RBM5: variants seen among roughly 807,000 people sequenced by gnomAD.
RBM5 encodes RNA-binding protein 5.
A neutral mutation model predicts 124.6 loss-of-function variants in RBM5; 15 were observed. That is an observed-to-expected ratio of 0.12 (90% CI 0.08 to 0.19). The LOEUF is 0.19. Among genes scored for constraint, RBM5 ranks in the 10% least tolerant of loss-of-function variants. The pLI, the probability that RBM5 is intolerant of heterozygous loss-of-function variation, is 1.00. For synonymous variants in RBM5, 337 were observed against 361.2 expected (o/e 0.93, Z 0.76); for missense variants, 580 against 1,026.5 (o/e 0.57, Z 5.94).
intron 7 of RBM5, 136 bp from the exon 8 acceptor site, chr3:50,104,112 G>A (rs1303961589): frequency 4.4e-6 from 3 of 674,706 alleles, no homozygotes; most frequent in Non-Finnish European, 7.8e-6. Context: ...TTTAGGTTAT[G>A]TCCCCATGTC....
intron 9 of RBM5, 102 bp from the exon 10 acceptor site, chr3:50,105,447 A>G (rs915003247): frequency 3.2e-6 from 4 of 1,230,930 alleles, no homozygotes; most frequent in Admixed American, 4.2e-5. Flanking sequence ...TACACTAGGA[A>G]TGTCACAAAT....
intron 6 of RBM5, chr3:50,102,526 GAGAA>G (rs1210141668): frequency 1.2e-4 from 18 of 152,738 alleles, no homozygotes; most frequent in Admixed American, 1.2e-3. Context: ...AGTCCCTCTT[GAGAA>G]AGAATTGTAA....
Position 50,118,408 on chromosome 3 carries a change from A to T in RBM5, c.2400A>T (p.Lys800Asn). ...GTTTGTCGGGCGCCGATTCCTACAA[A>T]GATGCTGTCCGGAAAGCCATGTTTG... Reference protein sequence around the residue: ...AYGLSGADSYKDAVRKAMFAR... With the variant: ...AYGLSGADSYNDAVRKAMFAR... Residue 800 changes from lysine to asparagine, a missense_variant, in exon 25 of 25, where the codon AAA becomes AAT. Around this residue, in one of 6 missense-constraint regions of RBM5, gnomAD observed 234 missense variants for 435.1 expected, o/e 0.54. Transcript: ENST00000347869. The T allele has an allele frequency of 6.2e-7, 1 of 1,614,180 alleles. No homozygotes were observed. Among genetic ancestry groups the T allele is most frequent in the Non-Finnish European group, 8.5e-7 (1 of 1,180,016 alleles).
At position 50,100,144 on chromosome 3, in the gene RBM5, A is replaced by G. The variant is rs1427662420; in HGVS notation, c.409+93A>G. On this transcript the variant is annotated intron_variant, in intron 5 of 24. Coordinates refer to ENST00000347869, the MANE Select transcript of RBM5 (RefSeq NM_005778.4). This position sits in a 1 kb window ranked among gnomAD's most constrained non-coding sequence, Gnocchi z 5.1. ...ATCCTGATTCCCCCAGTCTTCAAGC[A>G]CATGAATTCAGAATGAAAGGTTTGC... 8.7e-7 allele frequency: 1 copy of G among 1,144,316 alleles called. No homozygotes were observed. Among genetic ancestry groups the G allele is most frequent in the Admixed American group, 2.2e-5 (1 of 45,554 alleles). 70.9% of individuals were successfully genotyped at this position (1,144,316 alleles called of 1,614,324 possible).
In RBM5 at chr3:50,117,963, C is replaced by T. The variant is rs2091288449; in HGVS notation, c.2323-368C>T. ...ACAGCTTAGGTCAGACTCTTGTAGA[C>T]CATGTTCATCCTGTTTATGTGAGTT... On this transcript the variant is annotated intron_variant, in intron 24 of 24. Transcript: ENST00000347869. This position sits in a 1 kb window ranked among gnomAD's most constrained non-coding sequence, Gnocchi z 4.2. 3 of 247,460 alleles carry T rather than the reference C, an allele frequency of 1.2e-5. No individual in the cohort carries two copies. The South Asian group carries it at 1.8e-4, about 15-fold the overall frequency. 15.3% of individuals were successfully genotyped at this position (247,460 alleles called of 1,614,324 possible).
chr3:50,093,587 T>G, intron 3 of RBM5, 133 bp from the exon 4 acceptor site: 2 of 967,486 alleles, frequency 2.1e-6, no homozygotes, highest in African/African-American at 1.6e-5. Flanking sequence ...AAAAAAAAAT[T>G]GCAGTGAACA....
intron 4 of RBM5, among the ~76,000 whole-genome samples, chr3:50,097,928 C>T (rs1253238876): frequency 6.6e-6 from 1 of 152,096 alleles, no homozygotes; most frequent in Non-Finnish European, 1.5e-5. Context: ...TGGTGAAACC[C>T]CTCTCTACTA....
rs879531267 is a variant in RBM5 at position 50,100,323 on chromosome 3, G to A, written c.410-209G>A. 6 of 553,130 alleles carry A rather than the reference G, an allele frequency of 1.1e-5. No individual in the cohort carries two copies. The highest frequency in any genetic ancestry group is 5.8e-5 in the South Asian group (2 of 34,628). The allele number at this position is 553,130 out of a possible 1,614,324, so 34.3% of individuals were successfully genotyped here. On this transcript the variant is annotated intron_variant, in intron 5 of 24. Transcript: ENST00000347869. The surrounding 1 kb of genome is among the most constrained non-coding windows in gnomAD (Gnocchi z 5.1). Reference sequence around the variant, plus strand: ...AGTCGGTTGCATGGTTACTTTAAGCGTGGAATCAAATGGAGTGGCATTTAG... The same window carrying A: ...AGTCGGTTGCATGGTTACTTTAAGCATGGAATCAAATGGAGTGGCATTTAG...
intron 4 of RBM5, 120 bp downstream of exon 4, chr3:50,093,995 C>A (rs1443682565): frequency 2.7e-6 from 3 of 1,117,598 alleles, no homozygotes; most frequent in Non-Finnish European, 2.5e-6. Flanking sequence ...TATCCCTTAT[C>A]CAAAATGCTT....
intron 17 of RBM5, 183 bp downstream of exon 17, chr3:50,110,953 A>G (rs2091132807): frequency 5.1e-6 from 3 of 582,628 alleles, no homozygotes; most frequent in African/African-American, 1.9e-5. Context: ...GGGTTAAAAA[A>G]TGTTTTGAGG....
Position 50,090,465 on chromosome 3 carries a change from G to A in RBM5, c.17+14G>A, listed in dbSNP as rs1342829167. On this transcript the variant is annotated intron_variant, in intron 2 of 24. Transcript: ENST00000347869. ...TTCAGACAAAAGGTAAGTTACTACA[G>A]TACGTGGCTTTGATCTCAACATTTC... The A allele has an allele frequency of 8.7e-6, 14 of 1,613,764 alleles. No individual in the cohort carries two copies. The highest frequency in any genetic ancestry group is 3.3e-5 in the Admixed American group (2 of 59,968).
chr3:50,090,318 C>T (rs2090681191), intron 1 of RBM5, 64 bp from the exon 2 acceptor site: 1 of 1,096,518 alleles, frequency 9.1e-7, no homozygotes, highest in Admixed American at 2.0e-5. Flanking sequence ...AGTATCCAAG[C>T]TATGGAGCTG....
chr3:50,107,252 C>T (rs1003075698), intron 11 of RBM5, among the ~76,000 whole-genome samples: 10 of 152,100 alleles, frequency 6.6e-5, no homozygotes, highest in Non-Finnish European at 1.3e-4. Context: ...AGTATCATTG[C>T]ACATTCAAAA....
chr3:50,111,466 T>A (rs1357131604), intron 17 of RBM5, among the ~76,000 whole-genome samples: 1 of 152,152 alleles, frequency 6.6e-6, no homozygotes, highest in Admixed American at 6.5e-5. Context: ...AGCCTCCACC[T>A]CCTGGGTTCA....
rs1424144702 is a variant in RBM5, at chr3:50,107,519, T to C, written c.991T>C (p.Phe331Leu). ...CTCAGATGGTAACCGCGTCAGCGCT[T>C]TCTCTGTAGCTAGTACGGCTATTGC... Reference protein sequence around the residue: ...VLSDGNRVSAFSVASTAIAAA... With the variant: ...VLSDGNRVSALSVASTAIAAA... The change falls in exon 12 of 25, where the codon TTC (phenylalanine) becomes CTC (leucine). Residue 331 changes from phenylalanine (F) to leucine (L), a missense_variant. Phe to Leu is a conservative substitution (Grantham distance 22, BLOSUM62 0). Around this residue, in one of 6 missense-constraint regions of RBM5, gnomAD observed 42 missense variants for 101.1 expected, o/e 0.42. Transcript: ENST00000347869. 6.2e-7 allele frequency: 1 copy of C among 1,610,442 alleles called. No individual in the cohort carries two copies. The highest frequency in any genetic ancestry group is 1.7e-5 in the Admixed American group (1 of 60,012).
chr3:50,090,572 C>T (rs35333166), intron 2 of RBM5, 121 bp downstream of exon 2: 78,134 of 1,094,028 alleles, frequency 0.071, 3,094 homozygotes, highest in Non-Finnish European at 0.078. Context: ...TAACGAACAC[C>T]TTTATGATCC....
intron 11 of RBM5, 137 bp downstream of exon 11, chr3:50,107,001 C>T (rs1445919521): frequency 2.7e-5 from 21 of 768,470 alleles, no homozygotes; most frequent in Middle Eastern, 4.4e-4. Context: ...AGGAGGGACA[C>T]GTTTGTCTTC....
rs993186486 is a variant in RBM5 at position 50,118,635 on chromosome 3, C to G, written c.*179C>G. The G allele has an allele frequency of 1.1e-5, 11 of 991,024 alleles. No individual in the cohort carries two copies. Among genetic ancestry groups the G allele is most frequent in the Admixed American group, 1.0e-4 (4 of 38,640 alleles). The allele number at this position is 991,024 out of a possible 1,614,324, so 61.4% of individuals were successfully genotyped here. ...AAGAAGTTCCCCTTATGTGGGTTGC[C>G]TGGTGAATGGCCTTCCTTCCCGCCA... On this transcript the variant is annotated 3_prime_UTR_variant, in exon 25 of 25. Transcript: ENST00000347869.
chr3:50,094,100 G>T, intron 4 of RBM5: 3 of 404,858 alleles, frequency 7.4e-6, no homozygotes, highest in South Asian at 4.6e-5. Context: ...AAATTCATTT[G>T]TATTTTGTAT....
Sources: allele counts gnomAD v4.1 joint callset (sites outside exome capture counted in the v4.1 genomes callset), GRCh38; gene constraint gnomAD v4.1.1; regional missense constraint gnomAD v4.1.1; non-coding constraint Gnocchi (gnomAD v3.1); transcripts MANE v1.5; gene names NCBI Gene and HGNC (gene_info 2026-07-23, HGNC 2026-07-21).